The following HERC6 variants were observed in gnomAD, a reference collection of about 807,000 sequenced individuals.
The protein encoded by HERC6 is HECT and RLD domain containing E3 ubiquitin protein ligase family member 6, also known as probable E3 ubiquitin-protein ligase HERC6.
HERC6 carries 101 observed loss-of-function variants against 114.5 expected under a neutral mutation model. That is an observed-to-expected ratio of 0.88 (90% CI 0.75 to 1.04). HERC6 has a LOEUF of 1.04. Among genes scored for constraint, HERC6 ranks in the 50% least tolerant of loss-of-function variants. HERC6 has a pLI of 0.00. For synonymous variants in HERC6, 408 were observed against 436.2 expected, an observed-to-expected ratio of 0.94 and a Z score of 0.81; for missense variants, 1,133 against 1,230.9, an observed-to-expected ratio of 0.92 and a Z score of 1.19.
At chr4:88,419,107 C>G (rs990652889) in intron 13 of HERC6, among the ~76,000 whole-genome samples, 2 of 152,004 alleles carry the variant, frequency 1.3e-5, no homozygotes, top group Non-Finnish European at 2.9e-5. Flanking sequence ...AAAAGTTCAC[C>G]GAGGACTATG....
chr4:88,438,340 A>G (rs1036514509), intron 20 of HERC6, among the ~76,000 whole-genome samples: 5 of 152,172 alleles, frequency 3.3e-5, no homozygotes, highest in Admixed American at 6.5e-5. Flanking sequence ...CTGGAGATAC[A>G]GTAGTCAAAA....
chr4:88,384,767 C>A (rs563843635), intron 2 of HERC6, among the ~76,000 whole-genome samples: 1 of 152,270 alleles, frequency 6.6e-6, no homozygotes, highest in South Asian at 2.1e-4. Context: ...CACCTGTAAT[C>A]CCAGCACTTT....
intron 8 of HERC6, chr4:88,398,942 A>G (rs1339579362): frequency 1.3e-5 from 2 of 152,240 alleles, no homozygotes; most frequent in East Asian, 3.8e-4. Context: ...AGTAAGTGGT[A>G]GAGCTGGATT....
rs1040658475 is a variant in HERC6, at chr4:88,437,698, A to G, written c.2485-13A>G. The G allele has an allele frequency of 1.3e-6, 2 of 1,564,700 alleles. No individual in the cohort carries two copies. Among genetic ancestry groups the G allele is most frequent in the Non-Finnish European group, 1.7e-6 (2 of 1,143,270 alleles). ...ACTTTGATATTTGGTACCTGAATAC[A>G]TTTTGGTTACAGATACACTGGGACC... On this transcript the variant is annotated splice_polypyrimidine_tract_variant and intron_variant, in intron 19 of 22. Coordinates refer to ENST00000264346, the MANE Select transcript of HERC6 (RefSeq NM_017912.4).
intron 4 of HERC6, 74 bp downstream of exon 4, chr4:88,390,953 G>A (rs1734889767): frequency 8.0e-7 from 1 of 1,246,434 alleles, no homozygotes; most frequent in East Asian, 2.5e-5. Context: ...GCAAAGGGCA[G>A]TCTTAACGCT....
Position 88,404,903 on chromosome 4 carries a change from A to G in HERC6, c.1120A>G (p.Lys374Glu), listed in dbSNP as rs777722564. 3.7e-6 allele frequency: 6 copies of G among 1,613,540 alleles called. No homozygotes were observed. Among genetic ancestry groups the G allele is most frequent in the Non-Finnish European group, 5.1e-6 (6 of 1,179,688 alleles). ...TACTAGTTCCACACGTGCTCCCGGG[A>G]AAACCCTGCCAGAAATAAGCCGAAT... Reference protein sequence around the residue: ...QDTSSTRAPGKTLPEISRISQ... With the variant: ...QDTSSTRAPGETLPEISRISQ... Residue 374 changes from lysine (K) to glutamate (E), a missense_variant, in exon 9 of 23, where the codon AAA (lysine) becomes GAA (glutamate). Physicochemically the swap from Lys to Glu is moderately conservative, Grantham distance 56. Coordinates refer to ENST00000264346, the MANE Select transcript of HERC6 (RefSeq NM_017912.4).
At chr4:88,383,606 C>A (rs1301593331) in intron 2 of HERC6, among the ~76,000 whole-genome samples, 1 of 151,458 alleles carries the variant, frequency 6.6e-6, no homozygotes, top group Admixed American at 6.6e-5. Flanking sequence ...AAAAAAGACA[C>A]AAGAAAATTA....
intron 13 of HERC6, among the ~76,000 whole-genome samples, chr4:88,422,399 G>C (rs1412214845): frequency 1.3e-5 from 2 of 152,134 alleles, no homozygotes; most frequent in Non-Finnish European, 2.9e-5. Context: ...CCAGTTTTAT[G>C]TTTTGCTGTG....
At chr4:88,396,275 GTTTAA>G (rs1187264542) in intron 6 of HERC6, 133 bp downstream of exon 6, 4 of 627,756 alleles carry the variant, frequency 6.4e-6, no homozygotes, top group Admixed American at 4.2e-5. Context: ...TTCAAATATA[GTTTAA>G]TTTTTCAGTT....
intron 17 of HERC6, among the ~76,000 whole-genome samples, chr4:88,432,335 G>A (rs1172054927): frequency 6.6e-6 from 1 of 151,164 alleles, no homozygotes; most frequent in African/African-American, 2.4e-5. Flanking sequence ...AACACTGCTG[G>A]TCCCAAGCCT....
chr4:88,390,693 C>T lies in HERC6; in HGVS notation c.478C>T (p.Leu160=), dbSNP rs1205332076. ...FSWGKNSHGQ[L]GLGKEFPSQA... is the part of the protein sequence containing the mutation. ...GTGGGGAAAGAACAGCCATGGGCAG[C>T]TGGGCTTGGGGAAGGAGTTCCCCTC... Residue 160 remains leucine (L), a synonymous_variant, in exon 4 of 23, where the codon CTG becomes TTG. Transcript: ENST00000264346. The T allele has an allele frequency of 6.2e-7, 1 of 1,612,752 alleles. No homozygotes were observed. Among genetic ancestry groups the T allele is most frequent in the Non-Finnish European group, 8.5e-7 (1 of 1,178,922 alleles).
At chr4:88,404,496 A>G (rs1735714300) in intron 8 of HERC6, among the ~76,000 whole-genome samples, 1 of 152,098 alleles carries the variant, frequency 6.6e-6, no homozygotes, top group African/African-American at 2.4e-5. Flanking sequence ...CCAGAATTTC[A>G]TTCCTTTAAG....
chr4:88,433,148 A>T (rs894015270), intron 17 of HERC6, among the ~76,000 whole-genome samples: 1 of 152,188 alleles, frequency 6.6e-6, no homozygotes, highest in African/African-American at 2.4e-5. Context: ...CAGATCATTT[A>T]ATCTGTGTAT....
In HERC6 at chr4:88,436,918, G is replaced by C; in HGVS notation, c.2431G>C (p.Val811Leu). 6.2e-7 allele frequency: 1 copy of C among 1,605,210 alleles called. No individual in the cohort carries two copies. Among genetic ancestry groups the C allele is most frequent in the Non-Finnish European group, 8.5e-7 (1 of 1,175,512 alleles). Residue 811 changes from valine to leucine, a missense_variant, in exon 19 of 23, where the codon GTT (valine) becomes CTT (leucine). Physicochemically the swap from Val to Leu is conservative, Grantham distance 32. Transcript: ENST00000264346. ...AATCTTCATTAGGAGTTTGCAAGAAGTTCTAGATGATGCTGCTGATGACAT... is the reference window on the plus strand; with the variant it reads ...AATCTTCATTAGGAGTTTGCAAGAACTTCTAGATGATGCTGCTGATGACAT... ...SPRLGKSLQE[V>L]LDDAADDIGD...
chr4:88,400,891 G>A (rs571370176), intron 8 of HERC6, among the ~76,000 whole-genome samples: 47 of 152,034 alleles, frequency 3.1e-4, no homozygotes, highest in South Asian at 2.9e-3. Flanking sequence ...ATTATTTATG[G>A]TTTCAGGCAT....
At chr4:88,383,916 T>A (rs1734448782) in intron 2 of HERC6, among the ~76,000 whole-genome samples, 1 of 152,096 alleles carries the variant, frequency 6.6e-6, no homozygotes. Context: ...TGTGACCCTT[T>A]GATCTTAATC....
intron 4 of HERC6, among the ~76,000 whole-genome samples, chr4:88,393,227 T>C (rs1735013511): frequency 6.6e-6 from 1 of 152,086 alleles, no homozygotes; most frequent in African/African-American, 2.4e-5. Context: ...CTCTGTCTTA[T>C]ACTTCGGATT....
At position 88,405,370 on chromosome 4, in the gene HERC6, G is replaced by A. The variant is rs532718626; in HGVS notation, c.1215-184G>A. On this transcript the variant is annotated intron_variant, in intron 9 of 22. Transcript: ENST00000264346. ...GACTTGAACAAATCAACTATAAAGG[G>A]TTTTGGTGAGATTTAGAAATAATAT... Among the ~76,000 whole-genome samples, 14 of 152,302 alleles carry A rather than the reference G, an allele frequency of 9.2e-5. No homozygotes were observed. In the East Asian group the frequency reaches 2.7e-3, roughly 29 times the overall value.
intron 15 of HERC6, among the ~76,000 whole-genome samples, chr4:88,426,490 A>T (rs980671402): frequency 5.3e-5 from 7 of 132,634 alleles, no homozygotes; most frequent in Admixed American, 3.2e-4. Flanking sequence ...TATCATCATC[A>T]TCATCTTAAG....
Sources: allele counts gnomAD v4.1 joint callset (sites outside exome capture counted in the v4.1 genomes callset), GRCh38; gene constraint gnomAD v4.1.1; transcripts MANE v1.5; gene names NCBI Gene and HGNC (gene_info 2026-07-23, HGNC 2026-07-21).